Variants in FAM184A observed in about 807,000 individuals in gnomAD.
FAM184A encodes the protein family with sequence similarity 184 member A.
Under a neutral mutation model 143.8 loss-of-function variants are expected in FAM184A, and 99 were observed. The observed-to-expected ratio is 0.69, with a 90% confidence interval of 0.58 to 0.81. The LOEUF (loss-of-function observed/expected upper bound fraction) is 0.81. Among genes scored for constraint, FAM184A ranks in the 40% least tolerant of loss-of-function variants. The pLI is 0.00. For synonymous variants in FAM184A, 427 were observed against 446.4 expected, an observed-to-expected ratio of 0.96 and a Z score of 0.55; for missense variants, 1,217 against 1,310.5, an observed-to-expected ratio of 0.93 and a Z score of 1.10.
intron 1 of FAM184A, among the ~76,000 whole-genome samples, chr6:119,122,584 G>A (rs940128672): frequency 1.3e-5 from 2 of 152,066 alleles, no homozygotes; most frequent in African/African-American, 4.8e-5. Context: ...AAGGAGAAAC[G>A]TGCACATGCA....
Position 119,024,139 on chromosome 6 carries a change from C to T in FAM184A, c.834G>A (p.Gln278=). The change falls in exon 2 of 18, where the codon CAG becomes CAA. Residue 278 remains glutamine (Q), a synonymous_variant. Transcript: ENST00000338891. ...GATCAGCTTCCTTTTCTTTGCTGGCCTGTAGGCTTTCTGCTGTAAAAAGCT... is the reference window on the plus strand; with the variant it reads ...GATCAGCTTCCTTTTCTTTGCTGGCTTGTAGGCTTTCTGCTGTAAAAAGCT... The part of the protein sequence containing the change: ...RSQLFTAESL[Q]ASKEKEADLR... 1.2e-6 allele frequency: 2 copies of T among 1,614,154 alleles called. No individual in the cohort carries two copies. Among genetic ancestry groups the T allele is most frequent in the Non-Finnish European group, 1.7e-6 (2 of 1,180,032 alleles).
intron 1 of FAM184A, among the ~76,000 whole-genome samples, chr6:119,093,021 G>C (rs183687275): frequency 6.6e-6 from 1 of 152,042 alleles, no homozygotes. Context: ...TCTGGCCTTC[G>C]ATGTTTAAGT....
intron 1 of FAM184A, among the ~76,000 whole-genome samples, chr6:119,112,002 A>G (rs1425616755): frequency 2.0e-5 from 3 of 152,352 alleles, no homozygotes; most frequent in East Asian, 3.8e-4. Flanking sequence ...ATATTATTCT[A>G]TTAAAAACTA....
At chr6:119,105,233 TTTCTG>T (rs1250390487) in intron 1 of FAM184A, among the ~76,000 whole-genome samples, 1 of 152,188 alleles carries the variant, frequency 6.6e-6, no homozygotes, top group Non-Finnish European at 1.5e-5. Context: ...ATATAGGAAC[TTTCTG>T]TACTATTGAT....
intron 9 of FAM184A, among the ~76,000 whole-genome samples, chr6:118,995,950 A>G (rs1784531117): frequency 6.6e-6 from 1 of 152,188 alleles, no homozygotes; most frequent in African/African-American, 2.4e-5. Context: ...AGTACTTCAT[A>G]GAACAGATTT....
intron 5 of FAM184A, 35 bp downstream of exon 5, chr6:119,016,712 T>C (rs556473306): frequency 6.5e-7 from 1 of 1,544,254 alleles, no homozygotes; most frequent in South Asian, 1.1e-5. Flanking sequence ...ATATCATCAA[T>C]TTACAATGCA....
At chr6:119,003,423 A>G (rs1784824490) in intron 8 of FAM184A, 78 bp downstream of exon 8, 6 of 1,371,482 alleles carry the variant, frequency 4.4e-6, no homozygotes, top group Admixed American at 2.2e-5. Context: ...GTCTTTAACA[A>G]TAGGATAATG....
In FAM184A at chr6:118,971,123, C is replaced by T. The variant is rs1408626519; in HGVS notation, c.2915+3305G>A. Among the ~76,000 whole-genome samples the T allele has an allele frequency of 2.6e-5, 4 of 152,262 alleles. No individual in the cohort carries two copies. The East Asian group carries it at 5.8e-4, about 22-fold the overall frequency. The stretch of plus-strand genomic sequence containing the variant: ...AATAAAGGAAATATAGCAATTGAAG[C>T]ACTTTAACGCTGAACCTTTCTTTTC... On this transcript the variant is annotated intron_variant, in intron 14 of 17. Coordinates refer to ENST00000338891, the MANE Select transcript of FAM184A (RefSeq NM_024581.6).
intron 1 of FAM184A, among the ~76,000 whole-genome samples, chr6:119,060,875 A>G (rs1012269013): frequency 1.3e-5 from 2 of 152,224 alleles, no homozygotes; most frequent in African/African-American, 4.8e-5. Context: ...CCCCAGAAGC[A>G]GAAGCCGATG....
At chr6:119,044,927 G>A (rs1400822327) in intron 1 of FAM184A, among the ~76,000 whole-genome samples, 1 of 152,198 alleles carries the variant, frequency 6.6e-6, no homozygotes, top group Non-Finnish European at 1.5e-5. Flanking sequence ...TATGGAGTTG[G>A]TCTGTACCTG....
At chr6:118,992,805 C>CTGT (rs1429566641) in intron 9 of FAM184A, among the ~76,000 whole-genome samples, 1 of 152,130 alleles carries the variant, frequency 6.6e-6, no homozygotes, top group East Asian at 1.9e-4. Flanking sequence ...TGGCATGTAC[C>CTGT]TGTAGTGCCA....
chr6:119,100,213 G>T (rs1160383839), intron 1 of FAM184A, among the ~76,000 whole-genome samples: 7 of 152,154 alleles, frequency 4.6e-5, no homozygotes, highest in African/African-American at 1.7e-4. Context: ...AGGAACTATG[G>T]TGAGGGAGAA....
chr6:119,130,459 C>T (rs1178975860), intron 1 of FAM184A, among the ~76,000 whole-genome samples: 2 of 152,090 alleles, frequency 1.3e-5, no homozygotes, highest in Non-Finnish European at 2.9e-5. Flanking sequence ...GTTGGAGTTA[C>T]AGGGAGAAGA....
intron 1 of FAM184A, among the ~76,000 whole-genome samples, chr6:119,127,564 C>T (rs1328939658): frequency 2.0e-5 from 3 of 152,188 alleles, no homozygotes; most frequent in Non-Finnish European, 4.4e-5. Context: ...GCCCCTGCCA[C>T]TATCTAATTA....
intron 4 of FAM184A, among the ~76,000 whole-genome samples, chr6:119,017,567 C>T (rs1785304585): frequency 6.6e-6 from 1 of 151,782 alleles, no homozygotes; most frequent in South Asian, 2.1e-4. Context: ...TACCAGTTAA[C>T]CCACTCAAAG....
At chr6:118,986,327 A>G (rs1784194438) in intron 9 of FAM184A, among the ~76,000 whole-genome samples, 1 of 152,174 alleles carries the variant, frequency 6.6e-6, no homozygotes, top group Non-Finnish European at 1.5e-5. Flanking sequence ...TATGTCCCCA[A>G]TCATCCTCTT....
chr6:119,038,146 C>G (rs188780429), intron 1 of FAM184A, among the ~76,000 whole-genome samples: 10 of 152,038 alleles, frequency 6.6e-5, no homozygotes, highest in African/African-American at 1.9e-4. Context: ...CAGTTAAACC[C>G]CCAGCTGTCA....
chr6:119,024,042 T>G lies in FAM184A; in HGVS notation c.931A>C (p.Met311Leu), dbSNP rs769859030. ...AGACTTCCAGCTTCATCCTGTACCATCTGTAACTCTGTCTTTAATTTTCCT... is the reference window on the plus strand; with the variant it reads ...AGACTTCCAGCTTCATCCTGTACCAGCTGTAACTCTGTCTTTAATTTTCCT... ...TIGKLKTELQ[M>L]VQDEAGSLLD... The change falls in exon 2 of 18, where the codon ATG (methionine) becomes CTG (leucine). Residue 311 changes from methionine (M) to leucine (L), a missense_variant. By Grantham distance (15) the Met-to-Leu change is conservative. Coordinates refer to ENST00000338891, the MANE Select transcript of FAM184A (RefSeq NM_024581.6). 2.5e-6 allele frequency: 4 copies of G among 1,613,996 alleles called. No individual in the cohort carries two copies. The African/African-American group carries it at 5.3e-5, about 22-fold the overall frequency.
chr6:119,019,456 G>A, intron 4 of FAM184A, among the ~76,000 whole-genome samples: 1 of 152,180 alleles, frequency 6.6e-6, no homozygotes, highest in Non-Finnish European at 1.5e-5. Flanking sequence ...GAGGGAAAGA[G>A]AAAGAAAAGT....
Sources: allele counts gnomAD v4.1 joint callset (sites outside exome capture counted in the v4.1 genomes callset), GRCh38; gene constraint gnomAD v4.1.1; transcripts MANE v1.5; gene names NCBI Gene and HGNC (gene_info 2026-07-23, HGNC 2026-07-21).